The following DYNC1I1 variants were observed in gnomAD, a reference collection of about 807,000 sequenced individuals.
DYNC1I1 encodes dynein cytoplasmic 1 intermediate chain 1.
A neutral mutation model predicts 86.6 loss-of-function variants in DYNC1I1; 43 were observed. The observed-to-expected ratio is 0.50, with a 90% confidence interval of 0.39 to 0.64. DYNC1I1 has a LOEUF of 0.64. DYNC1I1 is among the 30% of genes least tolerant of loss of function. DYNC1I1 has a pLI of 0.00. For synonymous variants in DYNC1I1, 262 were observed against 283.7 expected (o/e 0.92, Z 0.77); for missense variants, 604 against 788.8 (o/e 0.77, Z 2.81).
intron 14 of DYNC1I1, among the ~76,000 whole-genome samples, chr7:96,046,154 A>T (rs1009957852): frequency 6.6e-6 from 1 of 152,166 alleles, no homozygotes; most frequent in East Asian, 1.9e-4. Flanking sequence ...CTGAGTCAAC[A>T]AATGTCCAAG....
chr7:96,019,236 AGTCAC>A (rs372887770), intron 10 of DYNC1I1, among the ~76,000 whole-genome samples: 29 of 152,210 alleles, frequency 1.9e-4, no homozygotes, highest in African/African-American at 6.7e-4. Flanking sequence ...TATTAATTGT[AGTCAC>A]CATGTTGTAC....
At chr7:96,001,838 A>G (rs189167787) in intron 10 of DYNC1I1, among the ~76,000 whole-genome samples, 18 of 152,230 alleles carry the variant, frequency 1.2e-4, no homozygotes, top group African/African-American at 4.3e-4. Context: ...GGGGGCTTCA[A>G]CATATGAATT....
chr7:95,957,454 C>CCTGCTG (rs142486587), intron 6 of DYNC1I1, among the ~76,000 whole-genome samples: 6 of 152,114 alleles, frequency 3.9e-5, no homozygotes, highest in African/African-American at 9.6e-5. Flanking sequence ...TCCTCCTCCT[C>CCTGCTG]CTGCTGCTGC....
intron 9 of DYNC1I1, among the ~76,000 whole-genome samples, chr7:95,989,496 G>A (rs557113107): frequency 6.6e-6 from 1 of 152,278 alleles, no homozygotes; most frequent in African/African-American, 2.4e-5. Flanking sequence ...TTCAGAGTTG[G>A]GGAATTACAC....
chr7:96,032,945 A>G (rs533465751), intron 12 of DYNC1I1, among the ~76,000 whole-genome samples, 165 bp downstream of exon 12: 4 of 152,376 alleles, frequency 2.6e-5, no homozygotes, highest in African/African-American at 9.6e-5. Flanking sequence ...TCTTGAAGCC[A>G]AAACCCATTT....
At chr7:95,930,122 C>G (rs1414496042) in intron 6 of DYNC1I1, among the ~76,000 whole-genome samples, 1 of 152,188 alleles carries the variant, frequency 6.6e-6, no homozygotes, top group Admixed American at 6.5e-5. Flanking sequence ...ATCAGGACAG[C>G]CCATTTTCCC....
intron 9 of DYNC1I1, among the ~76,000 whole-genome samples, chr7:95,992,074 G>T (rs1793744750): frequency 6.6e-6 from 1 of 152,070 alleles, no homozygotes; most frequent in Non-Finnish European, 1.5e-5. Context: ...TAGCCAGGCT[G>T]GTCTTGAACT....
intron 1 of DYNC1I1, among the ~76,000 whole-genome samples, chr7:95,788,709 C>T (rs2115701074): frequency 6.6e-6 from 1 of 152,216 alleles, no homozygotes; most frequent in East Asian, 1.9e-4. Context: ...CAGTTGATTA[C>T]CACTAATTAT....
At chr7:95,945,465 A>C (rs985903057) in intron 6 of DYNC1I1, among the ~76,000 whole-genome samples, 9 of 152,206 alleles carry the variant, frequency 5.9e-5, no homozygotes, top group African/African-American at 2.2e-4. Context: ...ATCTTGATAA[A>C]AGAGAAAAAG....
intron 14 of DYNC1I1, chr7:96,055,749 C>T (rs1789559958): frequency 6.6e-6 from 1 of 151,842 alleles, no homozygotes; most frequent in African/African-American, 2.4e-5. Flanking sequence ...AAGAAAAAAA[C>T]TCTTCTTTTT....
chr7:96,096,418 A>T (rs1472025030), intron 16 of DYNC1I1, among the ~76,000 whole-genome samples: 1 of 152,158 alleles, frequency 6.6e-6, no homozygotes, highest in Non-Finnish European at 1.5e-5. Flanking sequence ...GGTAAATTAC[A>T]CTATATTATA....
intron 12 of DYNC1I1, among the ~76,000 whole-genome samples, chr7:96,034,246 T>C (rs1231816303): frequency 3.3e-5 from 5 of 152,144 alleles, no homozygotes; most frequent in Non-Finnish European, 7.4e-5. Context: ...CTGGAGGGAT[T>C]GGTATTTTAT....
At chr7:95,843,217 T>G (rs1405872711) in intron 5 of DYNC1I1, among the ~76,000 whole-genome samples, 1 of 152,226 alleles carries the variant, frequency 6.6e-6, no homozygotes, top group African/African-American at 2.4e-5. Context: ...TCAGGTAGTT[T>G]CTTCACATAA....
At chr7:95,897,869 A>C (rs929295008) in intron 6 of DYNC1I1, among the ~76,000 whole-genome samples, 1 of 152,156 alleles carries the variant, frequency 6.6e-6, no homozygotes, top group African/African-American at 2.4e-5. Flanking sequence ...TCACACCAAA[A>C]TACTGGGCTC....
chr7:95,839,393 T>TA (rs1167510098), intron 5 of DYNC1I1, among the ~76,000 whole-genome samples: 1 of 152,232 alleles, frequency 6.6e-6, no homozygotes, highest in Non-Finnish European at 1.5e-5. Flanking sequence ...TTATGGGACT[T>TA]ACATAAAATT....
At chr7:95,958,064 G>A (rs761265202) in intron 6 of DYNC1I1, among the ~76,000 whole-genome samples, 6 of 152,222 alleles carry the variant, frequency 3.9e-5, no homozygotes, top group Non-Finnish European at 8.8e-5. Flanking sequence ...TGCATTGTAG[G>A]ATATTTAGCA....
chr7:95,787,741 A>T (rs774142705), intron 1 of DYNC1I1, among the ~76,000 whole-genome samples: 4 of 152,202 alleles, frequency 2.6e-5, no homozygotes, highest in African/African-American at 9.7e-5. Context: ...AACAACAAAA[A>T]ATACTGAAAT....
chr7:95,784,964 T>C (rs1040790062), intron 1 of DYNC1I1, among the ~76,000 whole-genome samples: 4 of 152,224 alleles, frequency 2.6e-5, no homozygotes, highest in African/African-American at 4.8e-5. Context: ...AGGTGCCAAA[T>C]TGGGAAAATG....
intron 16 of DYNC1I1, among the ~76,000 whole-genome samples, chr7:96,108,974 T>C (rs943220996): frequency 2.6e-5 from 4 of 152,142 alleles, no homozygotes; most frequent in African/African-American, 4.8e-5. Context: ...TCAAGGAATC[T>C]ATTTCATCCA....
Sources: allele counts gnomAD v4.1 joint callset (sites outside exome capture counted in the v4.1 genomes callset), GRCh38; gene constraint gnomAD v4.1.1; transcripts MANE v1.5; gene names NCBI Gene and HGNC (gene_info 2026-07-23, HGNC 2026-07-21).